The following DMD variants were observed in gnomAD, a reference collection of about 807,000 sequenced individuals.
The protein encoded by DMD is dystrophin, also known as mutant dystrophin.
DMD carries 63 observed loss-of-function variants against 330.1 expected under a neutral mutation model. The observed-to-expected ratio is 0.19, with a 90% CI of 0.16 to 0.24. The LOEUF is 0.24. DMD is among the 10% of genes least tolerant of loss of function. The pLI, the probability that DMD is intolerant of heterozygous loss-of-function variation, is 1.00. For synonymous variants in DMD, 1,223 were observed against 959.8 expected (o/e 1.27, Z -5.07); for missense variants, 3,344 against 2,684.1 (o/e 1.25, Z -5.43).
chrX:32,789,256 C>G (rs1448405487), intron 7 of DMD, among the ~76,000 whole-genome samples: 1 of 112,250 alleles, frequency 8.9e-6, no homozygotes, highest in Non-Finnish European at 1.9e-5. Context: ...TTCTCATTAA[C>G]AGAACTGTTA....
At chrX:31,360,165 A>G (rs1259518461) in intron 60 of DMD, among the ~76,000 whole-genome samples, 3 of 111,666 alleles carry the variant, frequency 2.7e-5, no homozygotes, top group Admixed American at 9.5e-5. Flanking sequence ...CCAGAGCTGT[A>G]CTTGACTGTC....
intron 2 of DMD, among the ~76,000 whole-genome samples, chrX:33,019,535 G>C (rs138645607): frequency 0.012 from 1,280 of 111,261 alleles, 23 homozygotes; most frequent in African/African-American, 0.04. Context: ...CCTAATACTA[G>C]TTTTCAAGGT....
rs1255206929 is a variant in DMD at position 31,119,785 on chromosome X, G to GA, written c.*2133dup. On this transcript the variant is annotated 3_prime_UTR_variant, in exon 79 of 79. Coordinates refer to ENST00000357033, the MANE Select transcript of DMD (RefSeq NM_004006.3). ...AGAAAAGGTCCAGCGTCACATAAAG[G>GA]AAAAAAATGCAAGACAAAAACCAAA... 2.7e-5 allele frequency: 3 copies of GA among 110,425 alleles called. No individual in the cohort carries two copies. Among genetic ancestry groups the GA allele is most frequent in the African/African-American group, 9.8e-5 (3 of 30,619 alleles). 9.1% of individuals were successfully genotyped at this position (110,425 alleles called of 1,213,427 possible).
intron 54 of DMD, among the ~76,000 whole-genome samples, chrX:31,646,465 G>C (rs993882865): frequency 9.0e-6 from 1 of 111,671 alleles, no homozygotes; most frequent in African/African-American, 3.3e-5. Flanking sequence ...TTCTGATTTA[G>C]TTGGATGGGG....
At chrX:32,063,760 G>T (rs748672812) in intron 44 of DMD, among the ~76,000 whole-genome samples, 52 of 110,793 alleles carry the variant, frequency 4.7e-4, no homozygotes, top group African/African-American at 1.6e-3. Flanking sequence ...TCCATTCAAC[G>T]AGTATACAAA....
chrX:31,617,534 CAAA>C (rs749572753), intron 55 of DMD, among the ~76,000 whole-genome samples: 10 of 32,049 alleles, frequency 3.1e-4, no homozygotes, highest in African/African-American at 9.8e-4. Context: ...GACTTCGTCT[CAAA>C]AAAAAAAAAA....
intron 34 of DMD, among the ~76,000 whole-genome samples, chrX:32,378,256 C>A (rs1483387590): frequency 9.1e-6 from 1 of 110,028 alleles, no homozygotes; most frequent in Non-Finnish European, 1.9e-5. Context: ...ATTCCACCAC[C>A]CATGATACAT....
chrX:32,227,743 A>T (rs750219223), intron 43 of DMD, among the ~76,000 whole-genome samples: 1 of 111,539 alleles, frequency 9.0e-6, no homozygotes, highest in East Asian at 2.8e-4. Flanking sequence ...TTAAATGTTG[A>T]TTGCATTATT....
chrX:33,058,463 A>ATT (rs1341268231), intron 1 of DMD, among the ~76,000 whole-genome samples: 2 of 59,264 alleles, frequency 3.4e-5, no homozygotes, highest in East Asian at 1.8e-3. Context: ...TTTGATTATT[A>ATT]TTATTTTATT....
chrX:31,683,285 T>C (rs1419769041), intron 52 of DMD, among the ~76,000 whole-genome samples: 1 of 112,262 alleles, frequency 8.9e-6, no homozygotes, highest in Non-Finnish European at 1.9e-5. Context: ...ACACCAGCCA[T>C]TATGATAAGA....
chrX:32,651,916 G>A (rs1359335257), intron 9 of DMD, among the ~76,000 whole-genome samples: 1 of 111,879 alleles, frequency 8.9e-6, no homozygotes, highest in Non-Finnish European at 1.9e-5. Context: ...TTCGAACTCT[G>A]CGCCTTCTGT....
intron 28 of DMD, 101 bp from the exon 29 acceptor site, chrX:32,438,491 C>A (rs1034895898): frequency 2.0e-6 from 2 of 1,012,761 alleles, no homozygotes; most frequent in East Asian, 3.3e-5. Flanking sequence ...ATAATTAAGT[C>A]ATAATCAATT....
At chrX:32,797,264 A>ATT (rs781607564) in intron 7 of DMD, among the ~76,000 whole-genome samples, 2 of 111,901 alleles carry the variant, frequency 1.8e-5, no homozygotes, top group African/African-American at 6.5e-5. Flanking sequence ...CTGGGATTAC[A>ATT]GGTGTCAGCC....
intron 74 of DMD, among the ~76,000 whole-genome samples, chrX:31,153,328 T>C (rs1017229359): frequency 8.9e-6 from 1 of 112,296 alleles, no homozygotes; most frequent in African/African-American, 3.2e-5. Flanking sequence ...TAAGTGTGTA[T>C]GTGTCTCTCT....
chrX:32,472,593 A>G (rs1242447526), intron 21 of DMD, among the ~76,000 whole-genome samples: 5 of 111,047 alleles, frequency 4.5e-5, no homozygotes, highest in Non-Finnish European at 9.4e-5. Context: ...AGATAAGGGC[A>G]GGAAACAGAA....
intron 21 of DMD, among the ~76,000 whole-genome samples, chrX:32,474,534 A>AT (rs935311787): frequency 3.6e-5 from 4 of 111,355 alleles, no homozygotes; most frequent in African/African-American, 1.3e-4. Flanking sequence ...ACTTTTTAAA[A>AT]TTTTTTTGAT....
At chrX:32,717,100 G>T (rs1342066702) in intron 7 of DMD, among the ~76,000 whole-genome samples, 1 of 110,990 alleles carries the variant, frequency 9.0e-6, no homozygotes, top group East Asian at 2.8e-4. Context: ...ATTTTCTCGG[G>T]GTGGTGGGGG....
chrX:32,343,326 T>C, intron 39 of DMD, 40 bp from the exon 40 acceptor site: 8 of 1,103,070 alleles, frequency 7.3e-6, no homozygotes, highest in East Asian at 3.0e-5. Context: ...TCAATATATA[T>C]GTATAGTGCA....
intron 11 of DMD, among the ~76,000 whole-genome samples, chrX:32,615,508 GTTATT>G (rs1282888421): frequency 1.8e-4 from 20 of 111,498 alleles, no homozygotes; most frequent in Non-Finnish European, 9.5e-5. Flanking sequence ...AGTGCTGATG[GTTATT>G]TTAAAGGAAA....
Sources: allele counts gnomAD v4.1 joint callset (sites outside exome capture counted in the v4.1 genomes callset), GRCh38; gene constraint gnomAD v4.1.1; transcripts MANE v1.5; gene names NCBI Gene and HGNC (gene_info 2026-07-23, HGNC 2026-07-21).